The following ZNF697 variants were observed in gnomAD, a reference collection of about 807,000 sequenced individuals.
ZNF697 encodes the protein zinc finger protein 697.
Under a neutral mutation model 32.4 loss-of-function variants are expected in ZNF697, and 23 were observed. The ratio of observed to expected loss-of-function variants is 0.71; its 90% CI spans 0.51 to 1.01. The LOEUF (loss-of-function observed/expected upper bound fraction) is 1.01, where lower values mean the gene tolerates loss of function less well. ZNF697 is among the 50% of genes least tolerant of loss of function. ZNF697 has a pLI of 0.00. For synonymous variants in ZNF697, 418 were observed against 337.2 expected (o/e 1.24, Z -2.62); for missense variants, 930 against 794.0 (o/e 1.17, Z -2.06).
At chr1:119,647,464 C>G (rs1313986569) in intron 1 of ZNF697, among the ~76,000 whole-genome samples, 1 of 152,202 alleles carries the variant, frequency 6.6e-6, no homozygotes, top group Non-Finnish European at 1.5e-5. Context: ...TTTGCCCGGT[C>G]TGATGGCAGC....
At chr1:119,634,718 T>G (rs1015975589) in intron 1 of ZNF697, among the ~76,000 whole-genome samples, 1 of 152,144 alleles carries the variant, frequency 6.6e-6, no homozygotes, top group Non-Finnish European at 1.5e-5. Context: ...AAGGGGAAAG[T>G]AGAGAGACCT....
rs1648493267 is a variant in ZNF697 at position 119,624,056 on chromosome 1, C to T, written c.287G>A (p.Gly96Asp). The T allele has an allele frequency of 2.5e-6, 4 of 1,610,184 alleles. No homozygotes were observed. The highest frequency in any genetic ancestry group is 3.4e-6 in the Non-Finnish European group (4 of 1,178,022). ...SVRGEEDDQS[G>D]VADMAMFPGL... ...TGGGAACATCGCCATGTCAGCTACA[C>T]CGGATTGGTCATCCTCTTCCCCACG... is the stretch of plus-strand genomic sequence containing the variant. The change falls in exon 3 of 3, where the codon GGT becomes GAT. Residue 96 changes from glycine (G) to aspartate (D), a missense_variant. Physicochemically the swap from Gly to Asp is moderately conservative, Grantham distance 94. Transcript: ENST00000421812.
rs587605359 is a variant in ZNF697, at chr1:119,624,705, CTG to C, written c.227-591_227-590del. On this transcript the variant is annotated intron_variant, in intron 2 of 2. Coordinates refer to ENST00000421812, the MANE Select transcript of ZNF697 (RefSeq NM_001080470.2). ...CGCCTCCTGGGTTCAAGCGATTCTC[CTG>C]TCTCAGCCTCCTGAGTAGCTGGGAT... 7.3e-3 allele frequency among the ~76,000 whole-genome samples: 1,108 copies of C among 152,266 alleles called. 17 individuals are homozygous for C. The highest frequency in any genetic ancestry group is 0.025 in the African/African-American group (1,040 of 41,560).
At chr1:119,627,799 T>A (rs1362658432) in intron 1 of ZNF697, among the ~76,000 whole-genome samples, 2 of 152,146 alleles carry the variant, frequency 1.3e-5, no homozygotes, top group Non-Finnish European at 2.9e-5. Flanking sequence ...GCACCAAGTT[T>A]CCAACATTTG....
At position 119,637,773 on chromosome 1, in the gene ZNF697, G is replaced by A; in HGVS notation, c.-38+9918C>T. 1.3e-5 allele frequency among the ~76,000 whole-genome samples: 2 copies of A among 152,058 alleles called. 1 individual carries two copies. The highest frequency in any genetic ancestry group is 2.9e-5 in the Non-Finnish European group (2 of 67,996). On this transcript the variant is annotated intron_variant, in intron 1 of 2. Transcript: ENST00000421812. ...GTGATGGCTGACTTAACAGGTTTTG[G>A]ATTCTCTGCTGTTTTTACTAGAGAA...
In ZNF697 at chr1:119,648,188, C is replaced by CGCTGGCTG. The variant is rs1255252782; in HGVS notation, c.-543_-536dup. On this transcript the variant is annotated 5_prime_UTR_variant, in exon 1 of 3. Transcript: ENST00000421812. ...CGGCTGCAGCGGCCGCTGGGTGGCC[C>CGCTGGCTG]GCTGGCTGGCTGGTTGGCTGGCTGG... Among the ~76,000 whole-genome samples the CGCTGGCTG allele has an allele frequency of 1.6e-5, 2 of 122,266 alleles. No homozygotes were observed. The highest frequency in any genetic ancestry group is 2.5e-4 in the South Asian group (1 of 3,986). The allele number at this position is 122,266 out of a possible 152,430, so 80.2% of individuals were successfully genotyped here. A position where few individuals can be genotyped will look rare whatever the true frequency, so the allele number is the denominator to read the frequency against.
At chr1:119,633,356 ATG>A (rs58387828) in intron 1 of ZNF697, among the ~76,000 whole-genome samples, 1,935 of 142,790 alleles carry the variant, frequency 0.014, 16 homozygotes, top group East Asian at 0.073. Flanking sequence ...AACCAATAGG[ATG>A]TGTGTGTGTG....
chr1:119,629,882 G>A (rs893388847), intron 1 of ZNF697, among the ~76,000 whole-genome samples: 4 of 152,202 alleles, frequency 2.6e-5, no homozygotes, highest in African/African-American at 9.6e-5. Context: ...ACTAGTTGCT[G>A]AAGGGAGCTA....
At chr1:119,634,971 T>C (rs1354692618) in intron 1 of ZNF697, among the ~76,000 whole-genome samples, 4 of 152,162 alleles carry the variant, frequency 2.6e-5, no homozygotes, top group Non-Finnish European at 5.9e-5. Flanking sequence ...AAATGATATG[T>C]CTAGAATTTG....
intron 1 of ZNF697, among the ~76,000 whole-genome samples, chr1:119,626,916 T>C (rs1449716448): frequency 6.6e-6 from 1 of 152,138 alleles, no homozygotes; most frequent in Admixed American, 6.5e-5. Context: ...TAGAGAACCC[T>C]TAACAGGAAC....
intron 1 of ZNF697, among the ~76,000 whole-genome samples, chr1:119,631,590 TTGGGCCCCGCTTGGGCCCCGCC>T (rs1045245457): frequency 1.1e-3 from 15 of 13,056 alleles, no homozygotes; most frequent in Middle Eastern, 0.025. Flanking sequence ...CAGCCCCCGC[TTGGGCCCCGCTTGGGCCCCGCC>T]TGGGCCCCGC....
intron 1 of ZNF697, among the ~76,000 whole-genome samples, chr1:119,638,747 T>C (rs1369507089): frequency 2.6e-5 from 4 of 152,168 alleles, no homozygotes; most frequent in Admixed American, 6.5e-5. Context: ...GCACTCCAGA[T>C]CCACATTTCT....
intron 2 of ZNF697, 50 bp downstream of exon 2, chr1:119,625,825 A>C: frequency 6.3e-7 from 1 of 1,599,674 alleles, no homozygotes; most frequent in Non-Finnish European, 8.5e-7. Flanking sequence ...AGGAGCTAGA[A>C]GTAAGTGTAA....
chr1:119,639,616 C>A (rs748056156), intron 1 of ZNF697, among the ~76,000 whole-genome samples: 7 of 152,034 alleles, frequency 4.6e-5, no homozygotes, highest in Middle Eastern at 3.4e-3. Context: ...TAGTGGCTCA[C>A]GCCTGTAATC....
Position 119,623,583 on chromosome 1 carries a change from G to A in ZNF697, c.760C>T (p.Arg254Trp). ...CGGAAGGGCTTTTCGCGCGGGGGCCGGGCCAGCGGGGGCCCGGCCCCGAAG... is the reference window on the plus strand; with the variant it reads ...CGGAAGGGCTTTTCGCGCGGGGGCCAGGCCAGCGGGGGCCCGGCCCCGAAG... ...GGFGAGPPLA[R>W]PPREKPFRCG... The change falls in exon 3 of 3, where the codon CGG (arginine) becomes TGG (tryptophan). Residue 254 changes from arginine (R) to tryptophan (W), a missense_variant. Physicochemically the swap from Arg to Trp is moderately radical, Grantham distance 101 (BLOSUM62 -3). Transcript: ENST00000421812. 7.0e-7 allele frequency: 1 copy of A among 1,437,352 alleles called. No individual in the cohort carries two copies. Among genetic ancestry groups the A allele is most frequent in the African/African-American group, 1.5e-5 (1 of 65,636 alleles). The allele number at this position is 1,437,352 out of a possible 1,614,324, so 89.0% of individuals were successfully genotyped here.
At chr1:119,641,162 A>C (rs1253244165) in intron 1 of ZNF697, among the ~76,000 whole-genome samples, 1 of 152,248 alleles carries the variant, frequency 6.6e-6, no homozygotes, top group South Asian at 2.1e-4. Context: ...CAGAAACAAA[A>C]GATGTCCTGT....
rs1288668992 is a variant in ZNF697 at position 119,619,460 on chromosome 1, T to C, written c.*3245A>G. ...TGGATTTAATGACAAATATTCCATA[T>C]TGGTTGCTGAACACCAGAATGCTGT... On this transcript the variant is annotated 3_prime_UTR_variant, in exon 3 of 3. Transcript: ENST00000421812. 6.6e-6 allele frequency: 1 copy of C among 152,258 alleles called. No individual in the cohort carries two copies. The highest frequency in any genetic ancestry group is 1.9e-4 in the East Asian group (1 of 5,206). The allele number at this position is 152,258 out of a possible 1,614,324, so 9.4% of individuals were successfully genotyped here.
In ZNF697 at chr1:119,625,983, C is replaced by A. The variant is rs754174688; in HGVS notation, c.118G>T (p.Gly40Cys). 2.5e-6 allele frequency: 4 copies of A among 1,613,996 alleles called. No homozygotes were observed. In the South Asian group the frequency reaches 4.4e-5, roughly 18 times the overall value. ...TTGTTTGTGTCATGTGGATTAGAGC[C>A]CATTTCTCTTTCTTCTGGGTCCCCT... is the stretch of plus-strand genomic sequence containing the variant. ...REGDPEEREM[G>C]SNPHDTNKRE... The change falls in exon 2 of 3, where the codon GGC (glycine) becomes TGC (cysteine). Residue 40 changes from glycine to cysteine, a missense_variant. By Grantham distance (159) the Gly-to-Cys change is radical. Coordinates refer to ENST00000421812, the MANE Select transcript of ZNF697 (RefSeq NM_001080470.2).
Position 119,623,919 on chromosome 1 carries a change from G to C in ZNF697, c.424C>G (p.Pro142Ala). Residue 142 changes from proline (P) to alanine (A), a missense_variant, in exon 3 of 3, where the codon CCC becomes GCC. Coordinates refer to ENST00000421812, the MANE Select transcript of ZNF697 (RefSeq NM_001080470.2). ...CCCAGGGAGAGATGTCGCCTCCAGG[G>C]AAGTACGGGAGGGGCCGGCTGCTCC... is the stretch of plus-strand genomic sequence containing the variant. ...EEEQPAPPVL[P>A]WRRHLSLGSR... The C allele has an allele frequency of 6.3e-7, 1 of 1,575,938 alleles. No individual in the cohort carries two copies. The highest frequency in any genetic ancestry group is 8.6e-7 in the Non-Finnish European group (1 of 1,160,766).
Sources: gnomAD v4.1 joint callset for allele counts (sites outside exome capture counted in the v4.1 genomes callset) on GRCh38, gnomAD v4.1.1 for gene constraint, MANE v1.5 for transcripts, NCBI Gene and HGNC (gene_info 2026-07-23, HGNC 2026-07-21) for gene names.